The following CASK variants were observed in gnomAD, a reference collection of about 807,000 sequenced individuals.
CASK encodes the protein calcium/calmodulin dependent serine protein kinase.
Under a neutral mutation model 82.9 loss-of-function variants are expected in CASK, and 4 were observed. That is an observed-to-expected ratio of 0.05 (90% CI 0.02 to 0.11). The LOEUF (loss-of-function observed/expected upper bound fraction) is 0.11. CASK is among the 10% of genes least tolerant of loss of function. CASK has a pLI of 1.00. For synonymous variants in CASK, 259 were observed against 253.5 expected, an observed-to-expected ratio of 1.02 and a Z score of -0.20; for missense variants, 358 against 720.9, an observed-to-expected ratio of 0.50 and a Z score of 5.76.
chrX:41,528,967 G>T (rs1031532472), intron 25 of CASK, among the ~76,000 whole-genome samples: 1 of 112,486 alleles, frequency 8.9e-6, no homozygotes, highest in Non-Finnish European at 1.9e-5. Context: ...GGACTGGCAT[G>T]AGGCTGGCCT....
intron 1 of CASK, among the ~76,000 whole-genome samples, chrX:41,899,914 A>G (rs2072337787): frequency 9.0e-6 from 1 of 110,695 alleles, no homozygotes; most frequent in South Asian, 3.8e-4. Flanking sequence ...AACTTGAAGA[A>G]CTCCCTTTAG....
Position 41,686,385 on chromosome X carries a change from C to A in CASK, c.430-14855G>T, listed in dbSNP as rs1306481034. Among the ~76,000 whole-genome samples the A allele has an allele frequency of 3.6e-5, 4 of 109,789 alleles. No individual in the cohort carries two copies. The Admixed American group carries it at 3.9e-4, about 11-fold the overall frequency. ...GGATTACAGGCGTGAGCCACCACAC[C>A]TGGCCTTTTCTTTCTTTCTTTTTTT... On this transcript the variant is annotated intron_variant, in intron 5 of 26. Transcript: ENST00000378163.
chrX:41,829,696 GATATATAT>G (rs55730177), intron 2 of CASK, among the ~76,000 whole-genome samples: 19 of 16,257 alleles, frequency 1.2e-3, no homozygotes, highest in Admixed American at 6.2e-3. Context: ...TAGGTCACAA[GATATATAT>G]ATATATATAT....
At chrX:41,520,688 C>T (rs1602203073) in intron 26 of CASK, 92 bp from the exon 27 acceptor site, 1 of 796,612 alleles carries the variant, frequency 1.3e-6, no homozygotes, top group Non-Finnish European at 1.9e-6. Flanking sequence ...TCTCTTTTCA[C>T]ATTTTTGTTC....
At chrX:41,595,273 A>C (rs962099554) in intron 12 of CASK, among the ~76,000 whole-genome samples, 1 of 112,097 alleles carries the variant, frequency 8.9e-6, no homozygotes, top group African/African-American at 3.2e-5. Context: ...GTATCTTTTA[A>C]GTCTGACTTA....
At chrX:41,543,621 G>A (rs144831285) in intron 21 of CASK, among the ~76,000 whole-genome samples, 3 of 111,921 alleles carry the variant, frequency 2.7e-5, no homozygotes, top group Admixed American at 1.9e-4. Context: ...TGCTCTTTCA[G>A]GTTCAGTCTA....
chrX:41,840,634 C>G (rs2071017112), intron 2 of CASK, among the ~76,000 whole-genome samples: 1 of 112,115 alleles, frequency 8.9e-6, no homozygotes, highest in South Asian at 3.7e-4. Context: ...GAGTAGGGAA[C>G]AGGAACATCC....
At chrX:41,915,172 C>A (rs1484309372) in intron 1 of CASK, among the ~76,000 whole-genome samples, 5 of 111,122 alleles carry the variant, frequency 4.5e-5, no homozygotes, top group Non-Finnish European at 9.4e-5. Flanking sequence ...AACTTGTTCA[C>A]TCAGTTTTAC....
At chrX:41,668,399 G>A (rs776702645) in intron 6 of CASK, among the ~76,000 whole-genome samples, 2 of 112,033 alleles carry the variant, frequency 1.8e-5, no homozygotes, top group Non-Finnish European at 3.8e-5. Flanking sequence ...GAAGGAACAC[G>A]AATCTATACA....
intron 2 of CASK, among the ~76,000 whole-genome samples, chrX:41,840,907 T>A (rs1483341860): frequency 3.6e-5 from 4 of 112,594 alleles, no homozygotes; most frequent in Non-Finnish European, 5.6e-5. Flanking sequence ...ATAAATCTTC[T>A]ATTGTATGTA....
chrX:41,741,941 T>C (rs2068603614), intron 4 of CASK, among the ~76,000 whole-genome samples: 1 of 111,738 alleles, frequency 8.9e-6, no homozygotes, highest in Admixed American at 9.5e-5. Context: ...AATAACTCCA[T>C]GGAAGGAAAA....
At chrX:41,819,906 G>A (rs1230677153) in intron 2 of CASK, among the ~76,000 whole-genome samples, 2 of 111,512 alleles carry the variant, frequency 1.8e-5, no homozygotes, top group South Asian at 3.6e-4. Context: ...AAATTAGGAC[G>A]ATAAAACAAA....
At chrX:41,775,645 A>G (rs953527763) in intron 3 of CASK, among the ~76,000 whole-genome samples, 1 of 106,193 alleles carries the variant, frequency 9.4e-6, no homozygotes, top group African/African-American at 3.4e-5. Context: ...CAAATGTCCA[A>G]CAATGATAGA....
chrX:41,825,899 G>A (rs1279949579), intron 2 of CASK, among the ~76,000 whole-genome samples: 1 of 112,170 alleles, frequency 8.9e-6, no homozygotes, highest in Admixed American at 9.4e-5. Context: ...TTAAAATTCT[G>A]TTTTAACAAA....
intron 25 of CASK, 107 bp downstream of exon 25, chrX:41,530,900 G>C (rs187522969): frequency 2.7e-6 from 2 of 730,252 alleles, no homozygotes; most frequent in East Asian, 6.7e-5. Context: ...TGTGGTTTAT[G>C]AAATTATTAT....
At chrX:41,737,115 C>A (rs894614112) in intron 5 of CASK, among the ~76,000 whole-genome samples, 1 of 112,047 alleles carries the variant, frequency 8.9e-6, no homozygotes, top group African/African-American at 3.2e-5. Flanking sequence ...GGAGGCCTAG[C>A]ACCTTCCATT....
At chrX:41,567,783 T>C (rs1012252219) in intron 16 of CASK, among the ~76,000 whole-genome samples, 2 of 111,533 alleles carry the variant, frequency 1.8e-5, no homozygotes, top group South Asian at 7.6e-4. Context: ...TAAAGACACA[T>C]GCACACGTAT....
chrX:41,912,790 T>TTATA lies in CASK; in HGVS notation c.59+10136_59+10139dup, dbSNP rs202164173. 9.2e-3 allele frequency among the ~76,000 whole-genome samples: 896 copies of TTATA among 97,923 alleles called. 6 individuals are homozygous for TTATA. The highest frequency in any genetic ancestry group is 0.027 in the African/African-American group (740 of 27,699). The allele number at this position is 97,923 out of a possible 115,157, so 85.0% of individuals were successfully genotyped here. A position where few individuals can be genotyped will look rare whatever the true frequency, so the allele number is the denominator to read the frequency against. On this transcript the variant is annotated intron_variant, in intron 1 of 26. Coordinates refer to ENST00000378163, the MANE Select transcript of CASK (RefSeq NM_001367721.1). ...TCTCTCCTTCCCTCTTGCAAGTAATTTATATATATATATATATAAAATATA... is the reference window on the plus strand; with the variant it reads ...TCTCTCCTTCCCTCTTGCAAGTAATTTATATATATATATATATATATAAAATATA...
chrX:41,535,340 A>G (rs753891942), intron 22 of CASK, among the ~76,000 whole-genome samples: 8 of 111,459 alleles, frequency 7.2e-5, no homozygotes. Flanking sequence ...CAGCAATACT[A>G]AAAAGAAAAA....
Sources: gnomAD v4.1 joint callset for allele counts (sites outside exome capture counted in the v4.1 genomes callset) on GRCh38, gnomAD v4.1.1 for gene constraint, MANE v1.5 for transcripts, NCBI Gene and HGNC (gene_info 2026-07-23, HGNC 2026-07-21) for gene names.